Variants in SAMD5 observed in about 807,000 individuals in gnomAD.
The protein encoded by SAMD5 is sterile alpha motif domain containing 5, also known as sterile alpha motif domain-containing protein 5.
Under a neutral mutation model 11.3 loss-of-function variants are expected in SAMD5, and 13 were observed. That is an observed-to-expected ratio of 1.15 (90% CI 0.75 to 1.83). The LOEUF is 1.83. Among genes scored for constraint, SAMD5 ranks in the 40% most tolerant of loss-of-function variants. The pLI is 0.00. For missense variants in SAMD5, 255 were observed against 239.1 expected (o/e 1.07, Z -0.44); for synonymous variants, 129 against 111.3 (o/e 1.16, Z -1.00).
chr6:147,894,282 C>G, the SAMD5 span, among the ~76,000 whole-genome samples: 3 of 152,042 alleles, frequency 2.0e-5, no homozygotes, highest in Non-Finnish European at 2.9e-5. Flanking sequence ...CGCCACCACA[C>G]CCAGCTAATT....
the SAMD5 span, among the ~76,000 whole-genome samples, chr6:147,757,464 C>T: frequency 1.3e-5 from 2 of 152,080 alleles, no homozygotes; most frequent in Non-Finnish European, 2.9e-5. Flanking sequence ...ATTTTGAGAC[C>T]AGTTAGAACC....
At chr6:147,816,301 A>ATATATATAT in the SAMD5 span, among the ~76,000 whole-genome samples, 1 of 66,358 alleles carries the variant, frequency 1.5e-5, no homozygotes, top group African/African-American at 1.0e-4. Flanking sequence ...AAAAAAAAAA[A>ATATATATAT]ATATATATAT....
chr6:147,609,221 C>G (rs1206904188), intron 1 of SAMD5, among the ~76,000 whole-genome samples: 1 of 152,126 alleles, frequency 6.6e-6, no homozygotes, highest in Non-Finnish European at 1.5e-5. Context: ...GGGCCCTAAT[C>G]CAATATGACT....
chr6:147,707,551 C>T (rs888794542), intron 1 of SAMD5, among the ~76,000 whole-genome samples: 1 of 152,156 alleles, frequency 6.6e-6, no homozygotes, highest in Non-Finnish European at 1.5e-5. Context: ...CAACTTCCTC[C>T]CAGCCCTGCT....
intron 1 of SAMD5, among the ~76,000 whole-genome samples, chr6:147,726,803 A>AG (rs1433749423): frequency 6.6e-6 from 1 of 152,208 alleles, no homozygotes; most frequent in Non-Finnish European, 1.5e-5. Context: ...AGGTGGGCGG[A>AG]GGGCTTACGG....
chr6:147,812,040 G>T, the SAMD5 span, among the ~76,000 whole-genome samples: 2,147 of 152,168 alleles, frequency 0.014, 40 homozygotes, highest in East Asian at 0.069. Flanking sequence ...GCAGAGGAGG[G>T]CAGGAGGGAG....
chr6:147,909,596 CTTTCTT>C, the SAMD5 span, among the ~76,000 whole-genome samples: 1 of 60,138 alleles, frequency 1.7e-5, no homozygotes, highest in African/African-American at 9.0e-5. Context: ...TTCTTTCTTT[CTTTCTT>C]TCTTTCTTTC....
At position 147,509,291 on chromosome 6, in the gene SAMD5, G is replaced by A; in HGVS notation, c.363G>A (p.Glu121=). The A allele has an allele frequency of 6.4e-7, 1 of 1,571,862 alleles. No individual in the cohort carries two copies. Among genetic ancestry groups the A allele is most frequent in the Non-Finnish European group, 8.6e-7 (1 of 1,161,810 alleles). ...RGHTTAPRSR[E]LVSYPKLKLK... ...ACACGACCGCCCCCCGCAGCAGGGA[G>A]CTGGTGAGCTACCCCAAACTGAAGC... Residue 121 remains glutamate (E), a synonymous_variant, in exon 1 of 2, where the codon GAG becomes GAA. Coordinates refer to ENST00000367474, the MANE Select transcript of SAMD5 (RefSeq NM_001030060.3).
chr6:147,652,478 C>T (rs1351200710), intron 1 of SAMD5, among the ~76,000 whole-genome samples: 1 of 152,172 alleles, frequency 6.6e-6, no homozygotes, highest in Non-Finnish European at 1.5e-5. Context: ...CATTGAGACA[C>T]CATGGATCAG....
intron 1 of SAMD5, among the ~76,000 whole-genome samples, chr6:147,596,360 A>C (rs1179515984): frequency 6.6e-6 from 1 of 152,216 alleles, no homozygotes; most frequent in Non-Finnish European, 1.5e-5. Flanking sequence ...CATTAAACTT[A>C]GTATGATTTT....
At chr6:147,806,605 C>CTA in the SAMD5 span, among the ~76,000 whole-genome samples, 4 of 152,170 alleles carry the variant, frequency 2.6e-5, no homozygotes, top group Admixed American at 2.6e-4. Flanking sequence ...TGAACTAGAA[C>CTA]CTTCCTGATT....
chr6:147,773,442 T>A, the SAMD5 span, among the ~76,000 whole-genome samples: 1 of 152,210 alleles, frequency 6.6e-6, no homozygotes, highest in African/African-American at 2.4e-5. Context: ...ATAGTCCATC[T>A]GGGCTGCTGT....
chr6:147,591,000 T>C (rs1490890679), intron 1 of SAMD5, among the ~76,000 whole-genome samples: 1 of 152,184 alleles, frequency 6.6e-6, no homozygotes, highest in Non-Finnish European at 1.5e-5. Context: ...TTATGTGACT[T>C]TTTCTCCTGG....
At chr6:147,899,852 T>C in the SAMD5 span, among the ~76,000 whole-genome samples, 2 of 152,220 alleles carry the variant, frequency 1.3e-5, no homozygotes. Context: ...AGTTAAATTA[T>C]TCACACCAAG....
At chr6:147,716,163 A>G (rs892062943) in intron 1 of SAMD5, among the ~76,000 whole-genome samples, 1 of 152,176 alleles carries the variant, frequency 6.6e-6, no homozygotes, top group Admixed American at 6.5e-5. Context: ...GCAGGCCAGC[A>G]TGGGTTGCCC....
At chr6:147,649,603 C>T (rs1196912627) in intron 1 of SAMD5, among the ~76,000 whole-genome samples, 1 of 152,064 alleles carries the variant, frequency 6.6e-6, no homozygotes, top group Non-Finnish European at 1.5e-5. Context: ...ACCAGCCTGG[C>T]CAACATGACA....
intron 1 of SAMD5, chr6:147,676,135 C>G (rs1790859416): frequency 6.6e-6 from 1 of 152,068 alleles, no homozygotes; most frequent in Non-Finnish European, 1.5e-5. Context: ...TGGACCTGGA[C>G]AGGAATAAGC....
At chr6:147,576,630 A>C (rs1167157390) in intron 1 of SAMD5, among the ~76,000 whole-genome samples, 1 of 152,214 alleles carries the variant, frequency 6.6e-6, no homozygotes, top group Admixed American at 6.5e-5. Flanking sequence ...CAAGTTATGT[A>C]CAAGTTTCAT....
At chr6:147,941,852 GGTTTGTTT>G in the SAMD5 span, among the ~76,000 whole-genome samples, 2 of 132,712 alleles carry the variant, frequency 1.5e-5, no homozygotes, top group African/African-American at 5.1e-5. Flanking sequence ...GTGTGAAGTT[GGTTTGTTT>G]GTTTGTTTGT....
Sources: gnomAD v4.1 joint callset for allele counts (sites outside exome capture counted in the v4.1 genomes callset) on GRCh38, gnomAD v4.1.1 for gene constraint, MANE v1.5 for transcripts, NCBI Gene and HGNC (gene_info 2026-07-23, HGNC 2026-07-21) for gene names.